The following KATNAL1 variants were observed in gnomAD, a reference collection of about 807,000 sequenced individuals.
The protein encoded by KATNAL1 is katanin catalytic subunit A1 like 1.
In KATNAL1, 32 loss-of-function variants were observed where a neutral mutation model predicts 55.2. The ratio of observed to expected loss-of-function variants is 0.58; its 90% confidence interval spans 0.44 to 0.78. KATNAL1 has a LOEUF of 0.78. Ranked by LOEUF, KATNAL1 falls within the 30% of genes least tolerant of loss-of-function variation. KATNAL1 has a pLI of 0.00. For synonymous variants in KATNAL1, 193 were observed against 193.6 expected (o/e 1.00, Z 0.02); for missense variants, 466 against 600.9 (o/e 0.78, Z 2.35).
chr13:30,256,309 G>A (rs1264997528), intron 3 of KATNAL1, among the ~76,000 whole-genome samples: 1 of 152,150 alleles, frequency 6.6e-6, no homozygotes, highest in Non-Finnish European at 1.5e-5. Flanking sequence ...TTCATCTACT[G>A]TGGAACTTGT....
At position 30,206,602 on chromosome 13, in the gene KATNAL1, CTAAT is replaced by C. The variant is rs2137326563; in HGVS notation, c.*1934_*1937del. The C allele has an allele frequency of 6.6e-6, 1 of 152,090 alleles. No homozygotes were observed. Among genetic ancestry groups the C allele is most frequent in the African/African-American group, 2.4e-5 (1 of 41,516 alleles). 9.4% of individuals were successfully genotyped at this position (152,090 alleles called of 1,614,324 possible). A position where few individuals can be genotyped will look rare whatever the true frequency, so the allele number is the denominator to read the frequency against. On this transcript the variant is annotated 3_prime_UTR_variant, in exon 11 of 11. Transcript: ENST00000380615. ...AATACAAAACCCAGAAAAGGTCTAA[CTAAT>C]CAACTATTGTTAGGCTGGTGCAAAA...
At chr13:30,243,608 C>CAAAAAAAA (rs139687662) in intron 4 of KATNAL1, among the ~76,000 whole-genome samples, 2 of 86,466 alleles carry the variant, frequency 2.3e-5, no homozygotes, top group Admixed American at 1.0e-4. Context: ...GGTATTAAGC[C>CAAAAAAAA]AAAAAAAAAA....
chr13:30,213,904 G>C (rs1245812238), intron 9 of KATNAL1, among the ~76,000 whole-genome samples: 2 of 152,056 alleles, frequency 1.3e-5, no homozygotes, highest in Non-Finnish European at 2.9e-5. Flanking sequence ...ATTCAACATA[G>C]TGTTGGAAGT....
rs1883259303 is a variant in KATNAL1 at position 30,307,493 on chromosome 13, G to A, written c.-177C>T. 1 of 152,234 alleles carries A rather than the reference G, an allele frequency of 6.6e-6. No individual in the cohort carries two copies. The allele number at this position is 152,234 out of a possible 1,614,324, so 9.4% of individuals were successfully genotyped here. A position where few individuals can be genotyped will look rare whatever the true frequency, so the allele number is the denominator to read the frequency against. On this transcript the variant is annotated 5_prime_UTR_variant, in exon 1 of 11. Transcript: ENST00000380615. Reference sequence around the variant, plus strand: ...CATGGCAGCCGCGGCCGCGCGGTGGGCGCAGCGCGGGAGGGAGCGCGGGGG... The same window carrying A: ...CATGGCAGCCGCGGCCGCGCGGTGGACGCAGCGCGGGAGGGAGCGCGGGGG...
chr13:30,209,572 C>T (rs78781428), intron 10 of KATNAL1, among the ~76,000 whole-genome samples: 3,410 of 152,328 alleles, frequency 0.022, 69 homozygotes, highest in Non-Finnish European at 0.035. Flanking sequence ...CAGGAACTGT[C>T]TAAAACTTAT....
chr13:30,280,322 A>C, intron 2 of KATNAL1, 99 bp from the exon 3 acceptor site: 1 of 856,480 alleles, frequency 1.2e-6, no homozygotes, highest in Non-Finnish European at 1.7e-6. Context: ...CTTAATGTCA[A>C]AGGGTGAAAA....
intron 4 of KATNAL1, among the ~76,000 whole-genome samples, chr13:30,246,014 TTGAC>T (rs1302861133): frequency 6.6e-6 from 1 of 152,116 alleles, no homozygotes; most frequent in African/African-American, 2.4e-5. Context: ...TTAGCTACCA[TTGAC>T]TTTCTTCACA....
intron 9 of KATNAL1, among the ~76,000 whole-genome samples, chr13:30,215,781 G>A (rs562487898): frequency 5.3e-5 from 8 of 152,060 alleles, no homozygotes; most frequent in South Asian, 2.1e-4. Context: ...GTTGTGGGGT[G>A]GGGGGAGTGG....
chr13:30,281,181 C>CTTTTT (rs141780125), intron 2 of KATNAL1, among the ~76,000 whole-genome samples: 1 of 141,882 alleles, frequency 7.0e-6, no homozygotes, highest in African/African-American at 2.6e-5. Flanking sequence ...TTTAACAATT[C>CTTTTT]TTTTTTTTTT....
chr13:30,224,201 A>G (rs1875208660), intron 9 of KATNAL1, among the ~76,000 whole-genome samples: 1 of 152,136 alleles, frequency 6.6e-6, no homozygotes, highest in African/African-American at 2.4e-5. Context: ...GATAAAAGCA[A>G]AGCAGTACTT....
intron 9 of KATNAL1, chr13:30,210,649 TGAAAA>T: frequency 2.7e-5 from 1 of 37,408 alleles, no homozygotes. Context: ...AACTAAAAAT[TGAAAA>T]AAAAAAAAAA....
intron 8 of KATNAL1, among the ~76,000 whole-genome samples, chr13:30,230,187 C>T (rs1566094231): frequency 6.6e-6 from 1 of 152,074 alleles, no homozygotes; most frequent in Non-Finnish European, 1.5e-5. Flanking sequence ...CTCAAAGATC[C>T]CTAGGACTCT....
At position 30,203,870 on chromosome 13, in the gene KATNAL1, AATATT is replaced by A. The variant is rs1872879092; in HGVS notation, c.*4665_*4669del. 3 of 151,886 alleles carry A rather than the reference AATATT, an allele frequency of 2.0e-5. No individual in the cohort carries two copies. The South Asian group carries it at 6.2e-4, about 31-fold the overall frequency. The allele number at this position is 151,886 out of a possible 1,614,324, so 9.4% of individuals were successfully genotyped here. On this transcript the variant is annotated 3_prime_UTR_variant, in exon 11 of 11. Coordinates refer to ENST00000380615, the MANE Select transcript of KATNAL1 (RefSeq NM_032116.5). ...TACACAATTTCCACATTAAGAAACA[AATATT>A]AAAAGCAAATGTCAAAAAAATTTAA...
intron 6 of KATNAL1, among the ~76,000 whole-genome samples, chr13:30,235,837 C>T (rs1413644007): frequency 6.7e-6 from 1 of 150,082 alleles, no homozygotes; most frequent in African/African-American, 2.5e-5. Flanking sequence ...CTGCATATAA[C>T]GTTTGATTCC....
At chr13:30,239,774 C>G (rs1279245302) in intron 6 of KATNAL1, among the ~76,000 whole-genome samples, 2 of 148,290 alleles carry the variant, frequency 1.3e-5, no homozygotes, top group Non-Finnish European at 3.0e-5. Flanking sequence ...CAAACTCCAA[C>G]TCGCGGGTTC....
intron 4 of KATNAL1, among the ~76,000 whole-genome samples, chr13:30,242,555 G>C (rs1593875004): frequency 6.6e-6 from 1 of 152,164 alleles, no homozygotes; most frequent in African/African-American, 2.4e-5. Context: ...GAAGTGCTGT[G>C]AAAAAACCTG....
Position 30,255,983 on chromosome 13 carries a change from C to CT in KATNAL1, c.324-369dup, listed in dbSNP as rs558840830. Among the ~76,000 whole-genome samples the CT allele has an allele frequency of 2.0e-4, 31 of 151,912 alleles. No individual in the cohort carries two copies. The South Asian group carries it at 3.7e-3, about 18-fold the overall frequency. The stretch of plus-strand genomic sequence containing the variant: ...ACTGTCCTAAACCAAGAATAAGTAA[C>CT]TTTTTTTTAGAAAAAAGCATTAAAA... On this transcript the variant is annotated intron_variant, in intron 3 of 10. Transcript: ENST00000380615.
chr13:30,218,205 A>AATATAT (rs34056263), intron 9 of KATNAL1, among the ~76,000 whole-genome samples: 9,098 of 139,316 alleles, frequency 0.065, 518 homozygotes, highest in African/African-American at 0.15. Context: ...CAGTAAAAGG[A>AATATAT]ATATATATAT....
At chr13:30,233,916 T>C (rs970040826) in intron 6 of KATNAL1, among the ~76,000 whole-genome samples, 23 of 152,164 alleles carry the variant, frequency 1.5e-4, no homozygotes, top group African/African-American at 5.5e-4. Context: ...CAGAATAGAC[T>C]GGTGGTTACC....
Sources: gnomAD v4.1 joint callset for allele counts (sites outside exome capture counted in the v4.1 genomes callset) on GRCh38, gnomAD v4.1.1 for gene constraint, MANE v1.5 for transcripts, NCBI Gene and HGNC (gene_info 2026-07-23, HGNC 2026-07-21) for gene names.